The following FLII variants were observed in gnomAD, a reference collection of about 807,000 sequenced individuals.
The protein encoded by FLII is FLII actin remodeling protein, also known as protein flightless-1 homolog.
FLII carries 101 observed loss-of-function variants against 156.2 expected under a neutral mutation model. That is an observed-to-expected ratio of 0.65 (90% CI 0.55 to 0.76). The LOEUF (loss-of-function observed/expected upper bound fraction) is 0.76, where lower values mean the gene tolerates loss of function less well. FLII is among the 30% of genes least tolerant of loss of function. FLII has a pLI of 0.00. For synonymous variants in FLII, 767 were observed against 685.8 expected, an observed-to-expected ratio of 1.12 and a Z score of -1.85; for missense variants, 1,675 against 1,682.8, an observed-to-expected ratio of 1.00 and a Z score of 0.08.
At chr17:18,247,882 C>A in intron 19 of FLII, 34 bp from the exon 20 acceptor site, 2 of 1,613,702 alleles carry the variant, frequency 1.2e-6, no homozygotes, top group Non-Finnish European at 8.5e-7. Flanking sequence ...CAAAGCCCAG[C>A]CAACGGGGAG....
intron 4 of FLII, 43 bp from the exon 5 acceptor site, chr17:18,254,897 C>T (rs1357176243): frequency 6.3e-7 from 1 of 1,594,024 alleles, no homozygotes; most frequent in African/African-American, 1.3e-5. Context: ...AGTCTCCTCC[C>T]CACCAGGCGT....
chr17:18,247,865 T>G lies in FLII; in HGVS notation c.2296-17A>C. On this transcript the variant is annotated splice_polypyrimidine_tract_variant and intron_variant, in intron 19 of 29. Coordinates refer to ENST00000327031, the MANE Select transcript of FLII (RefSeq NM_002018.4). ...ACTCTGCAGCTGCGGACCGGGAGTC[T>G]GGAGGTCAAAGCCCAGCCAACGGGG... 1 of 1,614,030 alleles carries G rather than the reference T, an allele frequency of 6.2e-7. No homozygotes were observed. The highest frequency in any genetic ancestry group is 8.5e-7 in the Non-Finnish European group (1 of 1,179,980).
intron 1 of FLII, 137 bp from the exon 2 acceptor site, chr17:18,257,156 A>G (rs2048444196): frequency 1.7e-6 from 1 of 571,444 alleles, no homozygotes; most frequent in Non-Finnish European, 3.1e-6. Context: ...TCATTTCATC[A>G]TTGTGCCTCA....
At chr17:18,252,944 C>G (rs957190324) in intron 9 of FLII, among the ~76,000 whole-genome samples, 1 of 151,884 alleles carries the variant, frequency 6.6e-6, no homozygotes, top group Non-Finnish European at 1.5e-5. Flanking sequence ...TGAGGACAGG[C>G]ATTCAAGACC....
At chr17:18,258,767 GC>G, upstream of FLII, 1 of 1,035,544 alleles carries the variant, frequency 9.7e-7, no homozygotes. This position sits in a 1 kb window ranked among gnomAD's most constrained non-coding sequence, Gnocchi z 4.2. Flanking sequence ...CGCGGGCTGG[GC>G]CAGCGCCGGC....
At chr17:18,251,141 C>T in intron 13 of FLII, 124 bp from the exon 14 acceptor site, 1 of 1,406,650 alleles carries the variant, frequency 7.1e-7, no homozygotes, top group Non-Finnish European at 9.7e-7. Flanking sequence ...GTGCCTGGAC[C>T]ACCTCCTGCA....
Position 18,248,795 on chromosome 17 carries a change from T to C in FLII, c.2018+5A>G, listed in dbSNP as rs2048168794. On this transcript the variant is annotated splice_donor_5th_base_variant and intron_variant, in intron 17 of 29. Transcript: ENST00000327031. ...CACACAAAAGACCCCACGGTGTCCT[T>C]GTACCTGGCCTTGGTGGTGCTGCTC... is the stretch of plus-strand genomic sequence containing the variant. 1 of 1,613,892 alleles carries C rather than the reference T, an allele frequency of 6.2e-7. No homozygotes were observed. The highest frequency in any genetic ancestry group is 8.5e-7 in the Non-Finnish European group (1 of 1,179,984).
intron 14 of FLII, among the ~76,000 whole-genome samples, chr17:18,250,099 C>T (rs1239946867): frequency 6.6e-6 from 1 of 152,226 alleles, no homozygotes; most frequent in African/African-American, 2.4e-5. Flanking sequence ...CCAGCCTGGG[C>T]AACAAAGCGA....
At chr17:18,246,120 C>T (rs772494602) in intron 25 of FLII, 42 bp downstream of exon 25, 1 of 1,614,160 alleles carries the variant, frequency 6.2e-7, no homozygotes, top group South Asian at 1.1e-5. Flanking sequence ...AAACACCCCA[C>T]CCCTTGGTCC....
rs1217581780 is a variant in FLII, at chr17:18,247,922, C to T, written c.2295+7G>A. 1.9e-6 allele frequency: 3 copies of T among 1,613,732 alleles called. No homozygotes were observed. The highest frequency in any genetic ancestry group is 2.7e-5 in the African/African-American group (2 of 74,940). On this transcript the variant is annotated splice_region_variant and intron_variant, in intron 19 of 29. Transcript: ENST00000327031. ...CTGGCCCCACGCCCTCCTCCTGCAT[C>T]TCTTACCAGCCGCATTCTTGGCATC...
intron 3 of FLII, among the ~76,000 whole-genome samples, chr17:18,255,866 A>C (rs2048401071): frequency 6.6e-6 from 1 of 152,214 alleles, no homozygotes; most frequent in Non-Finnish European, 1.5e-5. Flanking sequence ...GCACTTGCAG[A>C]GGAGGCCCAG....
Position 18,245,348 on chromosome 17 carries a change from G to C in FLII, c.3675+6C>G. On this transcript the variant is annotated splice_donor_region_variant and intron_variant, in intron 29 of 29. Coordinates refer to ENST00000327031, the MANE Select transcript of FLII (RefSeq NM_002018.4). ...CCCACCTCGGCCCTCCCTCCACCCA[G>C]ATTACCTGGCAGGCCTTCAGGCTCA... 5 of 1,614,186 alleles carry C rather than the reference G, an allele frequency of 3.1e-6. No homozygotes were observed. The highest frequency in any genetic ancestry group is 4.2e-6 in the Non-Finnish European group (5 of 1,180,010).
rs756806617 is a variant in FLII, at chr17:18,249,121, G to A, written c.1934+6C>T. On this transcript the variant is annotated splice_donor_region_variant and intron_variant, in intron 16 of 29. Coordinates refer to ENST00000327031, the MANE Select transcript of FLII (RefSeq NM_002018.4). Reference sequence around the variant, plus strand: ...AGCACCCCCACCTCACATTGTTGGGGCTCACCTTGGGTCCAGAGAGGTCCC... The same window carrying A: ...AGCACCCCCACCTCACATTGTTGGGACTCACCTTGGGTCCAGAGAGGTCCC... 1 of 1,612,902 alleles carries A rather than the reference G, an allele frequency of 6.2e-7. No individual in the cohort carries two copies. Among genetic ancestry groups the A allele is most frequent in the South Asian group, 1.1e-5 (1 of 91,064 alleles).
At position 18,246,297 on chromosome 17, in the gene FLII, C is replaced by A. The variant is rs748328577; in HGVS notation, c.3206+11G>T. 1.2e-6 allele frequency: 2 copies of A among 1,613,810 alleles called. No individual in the cohort carries two copies. The highest frequency in any genetic ancestry group is 2.2e-5 in the East Asian group (1 of 44,882). ...GCTTGCTCGCCACTGCGTCCTCCCC[C>A]AGCCAGGCACCGGGTGCAGAGGGCG... On this transcript the variant is annotated intron_variant, in intron 24 of 29. Coordinates refer to ENST00000327031, the MANE Select transcript of FLII (RefSeq NM_002018.4).
chr17:18,249,511 T>C, intron 14 of FLII, 103 bp from the exon 15 acceptor site: 2 of 829,002 alleles, frequency 2.4e-6, no homozygotes, highest in Non-Finnish European at 4.0e-6. Flanking sequence ...GTGAATTGAG[T>C]GCTACAAATC....
rs2048450676 is a variant in FLII at position 18,257,322 on chromosome 17, C to T, written c.64-303G>A. 12 of 371,682 alleles carry T rather than the reference C, an allele frequency of 3.2e-5. No individual in the cohort carries two copies. In the South Asian group the frequency reaches 5.0e-4, roughly 15 times the overall value. 23.0% of individuals were successfully genotyped at this position (371,682 alleles called of 1,614,324 possible). On this transcript the variant is annotated intron_variant, in intron 1 of 29. Transcript: ENST00000327031. ...CCAGCATCCGGCTCTGTGGTTAGCT[C>T]GGCTCAAATTCCTTCACCTAGCATT...
chr17:18,258,760 G>A (rs1175471339), upstream of FLII: 2 of 1,152,050 alleles, frequency 1.7e-6, no homozygotes, highest in East Asian at 3.5e-5. This position sits in a 1 kb window ranked among gnomAD's most constrained non-coding sequence, Gnocchi z 4.2. Context: ...GGGGAGCCGC[G>A]GGCTGGGCCA....
intron 10 of FLII, 75 bp from the exon 11 acceptor site, chr17:18,252,221 T>C: frequency 7.1e-7 from 1 of 1,410,446 alleles, no homozygotes; most frequent in Non-Finnish European, 9.9e-7. Context: ...AGTTTCTTGC[T>C]CTTGTCTGCA....
chr17:18,251,861 C>T (rs891554694), intron 11 of FLII, 45 bp from the exon 12 acceptor site: 1 of 1,611,338 alleles, frequency 6.2e-7, no homozygotes, highest in Non-Finnish European at 8.5e-7. Context: ...GGCCTGCTGC[C>T]CCCTTGGGCA....
Sources: allele counts gnomAD v4.1 joint callset (sites outside exome capture counted in the v4.1 genomes callset), GRCh38; gene constraint gnomAD v4.1.1; non-coding constraint Gnocchi (gnomAD v3.1); transcripts MANE v1.5; gene names NCBI Gene and HGNC (gene_info 2026-07-23, HGNC 2026-07-21).